Variants in PRSS55 observed in about 807,000 individuals in gnomAD.
PRSS55 encodes the protein serine protease 55.
Under a neutral mutation model 23.6 loss-of-function variants are expected in PRSS55, and 41 were observed. That is an observed-to-expected ratio of 1.74 (90% CI 1.35 to 2.26). The LOEUF is 2.26. Ranked by LOEUF, PRSS55 falls within the 30% of genes most tolerant of loss-of-function variation. The pLI, the probability that PRSS55 is intolerant of heterozygous loss-of-function variation, is 0.00. For missense variants in PRSS55, 669 were observed against 439.1 expected (o/e 1.52, Z -4.68); for synonymous variants, 262 against 175.5 (o/e 1.49, Z -3.90).
chr8:10,537,390 T>C (rs1386786085), intron 4 of PRSS55, among the ~76,000 whole-genome samples: 1 of 152,132 alleles, frequency 6.6e-6, no homozygotes. Flanking sequence ...ACAATTCATA[T>C]TCTCACTTAT....
At chr8:10,529,419 C>A in intron 1 of PRSS55, 88 bp from the exon 2 acceptor site, 1 of 1,341,828 alleles carries the variant, frequency 7.5e-7, no homozygotes, top group Non-Finnish European at 1.1e-6. Flanking sequence ...CACTTGGAAG[C>A]CTGCTCCTCC....
chr8:10,535,508 T>C (rs1812424275), intron 4 of PRSS55, among the ~76,000 whole-genome samples: 1 of 152,370 alleles, frequency 6.6e-6, no homozygotes, highest in Non-Finnish European at 1.5e-5. Context: ...GATAACTGGC[T>C]AGCCATATGC....
In PRSS55 at chr8:10,538,613, C is replaced by T. The variant is rs73195184; in HGVS notation, c.879C>T (p.Leu293=). The change falls in exon 5 of 5, where the codon CTC becomes CTT. Residue 293 remains leucine, a synonymous_variant. Coordinates refer to ENST00000328655, the MANE Select transcript of PRSS55 (RefSeq NM_198464.4). ...GIYTSLVNYN[L]WIEKVTQLEG... ...ACACCTCGTTGGTGAACTACAACCT[C>T]TGGATCGAGAAAGTGACCCAGCTAG... 0.025 allele frequency: 39,739 copies of T among 1,614,110 alleles called. 595 individuals carry two copies. The highest frequency in any genetic ancestry group is 0.029 in the Non-Finnish European group (33,728 of 1,179,994).
downstream of PRSS55, chr8:10,541,523 C>T (rs1444749718): frequency 6.6e-6 from 1 of 152,164 alleles, no homozygotes; most frequent in Non-Finnish European, 1.5e-5. Flanking sequence ...CAGTCCACAC[C>T]CCAGGTTTGA....
In PRSS55 at chr8:10,525,541, G is replaced by C; in HGVS notation, c.-45G>C. On this transcript the variant is annotated 5_prime_UTR_variant, in exon 1 of 5. Coordinates refer to ENST00000328655, the MANE Select transcript of PRSS55 (RefSeq NM_198464.4). The stretch of plus-strand genomic sequence containing the variant: ...GGAGGCTCTCAGCCTCACTGCCTCA[G>C]CCCTGGCCTCTGTCACCCCCGGGCC... 1.3e-6 allele frequency: 2 copies of C among 1,594,576 alleles called. No homozygotes were observed. The highest frequency in any genetic ancestry group is 1.7e-6 in the Non-Finnish European group (2 of 1,167,176).
chr8:10,546,018 T>G (rs375331227), intron 4 of PRSS55, among the ~76,000 whole-genome samples: 21 of 152,186 alleles, frequency 1.4e-4, no homozygotes, highest in Middle Eastern at 6.8e-3. Flanking sequence ...CGTGAGCAGC[T>G]GCTGGGCACA....
downstream of PRSS55, among the ~76,000 whole-genome samples, chr8:10,540,018 C>G (rs576859633): frequency 3.9e-5 from 6 of 152,296 alleles, no homozygotes; most frequent in African/African-American, 1.4e-4. Flanking sequence ...TGATGGCGCT[C>G]CTCTCTTGCT....
downstream of PRSS55, among the ~76,000 whole-genome samples, chr8:10,543,488 T>TCC (rs1812728726): frequency 8.7e-6 from 1 of 114,742 alleles, no homozygotes; most frequent in African/African-American, 3.0e-5. Context: ...CTCTTTTTTT[T>TCC]TTTTTTCCAA....
At chr8:10,550,201 C>A (rs6987477) in intron 4 of PRSS55, among the ~76,000 whole-genome samples, 1 of 152,048 alleles carries the variant, frequency 6.6e-6, no homozygotes, top group East Asian at 1.9e-4. Context: ...GGGATTACAG[C>A]TGTGAGCCAT....
rs1354972514 is a variant in PRSS55 at position 10,545,896 on chromosome 8, A to G, written c.742-8047A>G. On this transcript the variant is annotated intron_variant, in intron 4 of 4. Coordinates refer to the PRSS55 transcript ENST00000522210. ...ACCGGCCCAGTAAGAGGCATCTTCT[A>G]TCTTTAGTCCTGGCTTATTGCTCTT... 2.6e-5 allele frequency among the ~76,000 whole-genome samples: 4 copies of G among 152,192 alleles called. No homozygotes were observed. In the South Asian group the frequency reaches 6.2e-4, roughly 24 times the overall value.
At chr8:10,531,767 G>C in intron 3 of PRSS55, 2 of 588,364 alleles carry the variant, frequency 3.4e-6, no homozygotes, top group Non-Finnish European at 6.0e-6. Flanking sequence ...AGCTAGCACA[G>C]AGCAGTGTGG....
intron 2 of PRSS55, among the ~76,000 whole-genome samples, chr8:10,530,877 C>T (rs978439159): frequency 1.3e-5 from 2 of 152,034 alleles, no homozygotes; most frequent in Non-Finnish European, 2.9e-5. Context: ...AACTTCTGGT[C>T]CTGAGTTTCT....
At chr8:10,533,583 G>A (rs1049185537) in intron 4 of PRSS55, among the ~76,000 whole-genome samples, 5 of 152,022 alleles carry the variant, frequency 3.3e-5, no homozygotes, top group East Asian at 3.9e-4. Context: ...ATGAATACAC[G>A]TTCTTTCTAA....
At chr8:10,526,666 A>C (rs992709380) in intron 1 of PRSS55, among the ~76,000 whole-genome samples, 3 of 152,186 alleles carry the variant, frequency 2.0e-5, no homozygotes, top group African/African-American at 7.2e-5. Context: ...TTGTGGGTTG[A>C]TCTCAGGACC....
intron 4 of PRSS55, among the ~76,000 whole-genome samples, chr8:10,549,750 G>C (rs1585897498): frequency 1.3e-5 from 2 of 152,122 alleles, no homozygotes; most frequent in African/African-American, 4.8e-5. Flanking sequence ...GAGTGCTTGG[G>C]ACCATGAAAC....
At chr8:10,532,823 G>T in intron 3 of PRSS55, 83 bp from the exon 4 acceptor site, 1 of 1,562,206 alleles carries the variant, frequency 6.4e-7, no homozygotes, top group Non-Finnish European at 8.7e-7. Flanking sequence ...GGGGACACAG[G>T]GCCGAGGGCA....
chr8:10,529,901 A>C (rs1472220529), intron 2 of PRSS55, among the ~76,000 whole-genome samples: 1 of 151,976 alleles, frequency 6.6e-6, no homozygotes, highest in Admixed American at 6.5e-5. Flanking sequence ...TCCTCACATC[A>C]CCAGAGCCAG....
At chr8:10,531,177 G>T (rs1812244246) in intron 2 of PRSS55, 118 bp from the exon 3 acceptor site, 2 of 1,248,844 alleles carry the variant, frequency 1.6e-6, no homozygotes, top group East Asian at 4.7e-5. Flanking sequence ...AACAGCCCCA[G>T]TAGGGTTTAA....
intron 4 of PRSS55, chr8:10,544,853 A>C: frequency 3.7e-6 from 1 of 271,666 alleles, no homozygotes; most frequent in Non-Finnish European, 5.6e-6. Flanking sequence ...TACATATGTT[A>C]TAAATCCAAA....
Sources: allele counts gnomAD v4.1 joint callset (sites outside exome capture counted in the v4.1 genomes callset), GRCh38; gene constraint gnomAD v4.1.1; transcripts MANE v1.5; gene names NCBI Gene and HGNC (gene_info 2026-07-23, HGNC 2026-07-21).